The following KCNH5 variants were observed in gnomAD, a reference collection of about 807,000 sequenced individuals.
The protein encoded by KCNH5 is potassium voltage-gated channel subfamily H member 5.
In KCNH5, 46 loss-of-function variants were observed where a neutral mutation model predicts 96.1. That is an observed-to-expected ratio of 0.48 (90% CI 0.38 to 0.61). The LOEUF is 0.61. Ranked by LOEUF, KCNH5 falls within the 20% of genes least tolerant of loss-of-function variation. The pLI, the probability that KCNH5 is intolerant of heterozygous loss-of-function variation, is 0.00. For synonymous variants in KCNH5, 439 were observed against 449.8 expected, an observed-to-expected ratio of 0.98 and a Z score of 0.30; for missense variants, 907 against 1,225.8, an observed-to-expected ratio of 0.74 and a Z score of 3.88.
intron 8 of KCNH5, 23 bp from the exon 9 acceptor site, chr14:62,802,604 A>T: frequency 6.2e-7 from 1 of 1,609,642 alleles, no homozygotes. Flanking sequence ...AGAGATGAAT[A>T]AGTGAAAAGG....
chr14:62,997,848 C>T (rs895027487), intron 4 of KCNH5, among the ~76,000 whole-genome samples: 11 of 138,486 alleles, frequency 7.9e-5, no homozygotes, highest in Admixed American at 3.1e-4. Flanking sequence ...TGCAGTGAAC[C>T]GAGATGGCAC....
chr14:63,008,236 C>T (rs1381525601), intron 2 of KCNH5, among the ~76,000 whole-genome samples: 2 of 152,006 alleles, frequency 1.3e-5, no homozygotes, highest in African/African-American at 2.4e-5. Flanking sequence ...GTGAAGCCCT[C>T]CTTAAGAAAA....
chr14:62,764,969 G>A (rs979479037), intron 10 of KCNH5, among the ~76,000 whole-genome samples: 2 of 152,074 alleles, frequency 1.3e-5, no homozygotes, highest in Non-Finnish European at 1.5e-5. Context: ...TAGATTCAAC[G>A]CTATTTCCAT....
chr14:62,999,523 C>G (rs1287802445), intron 4 of KCNH5, among the ~76,000 whole-genome samples: 2 of 151,810 alleles, frequency 1.3e-5, no homozygotes, highest in Non-Finnish European at 2.9e-5. Context: ...CCATGGAATA[C>G]TATGCAGCCA....
intron 7 of KCNH5, among the ~76,000 whole-genome samples, chr14:62,880,666 A>T (rs1888474256): frequency 6.6e-6 from 1 of 152,208 alleles, no homozygotes; most frequent in Admixed American, 6.5e-5. Flanking sequence ...AGAAAGAAAT[A>T]AGAAAAAGTA....
chr14:62,815,881 A>G (rs1407192995), intron 8 of KCNH5, among the ~76,000 whole-genome samples: 1 of 151,996 alleles, frequency 6.6e-6, no homozygotes, highest in East Asian at 1.9e-4. Context: ...ACACACACAC[A>G]CAAAACACCA....
chr14:62,960,029 T>C (rs1019478146), intron 6 of KCNH5, among the ~76,000 whole-genome samples: 2 of 152,180 alleles, frequency 1.3e-5, no homozygotes, highest in African/African-American at 4.8e-5. Flanking sequence ...CACAGTCGGG[T>C]CCAGGCTTAC....
At position 62,890,698 on chromosome 14, in the gene KCNH5, CAAAAAAAAAAA is replaced by C. The variant is rs1277209731; in HGVS notation, c.1370-40857_1370-40847del. Among the ~76,000 whole-genome samples the C allele has an allele frequency of 1.6e-4, 9 of 55,898 alleles. No homozygotes were observed. The South Asian group carries it at 6.2e-3, about 39-fold the overall frequency. The allele number at this position is 55,898 out of a possible 152,430, so 36.7% of individuals were successfully genotyped here. On this transcript the variant is annotated intron_variant, in intron 7 of 10. Transcript: ENST00000322893. Reference sequence around the variant, plus strand: ...TGGGGGACAGAGCGAGACTCCGTCTCAAAAAAAAAAAAAAAAAAAAAAGTGGGCAAAGGACA... The same window carrying C: ...TGGGGGACAGAGCGAGACTCCGTCTCAAAAAAAAAAAGTGGGCAAAGGACA...
intron 8 of KCNH5, among the ~76,000 whole-genome samples, chr14:62,849,124 T>C (rs187279597): frequency 2.0e-5 from 3 of 152,174 alleles, no homozygotes; most frequent in South Asian, 2.1e-4. Flanking sequence ...GAGGGAGATA[T>C]CTATTTTATA....
intron 3 of KCNH5, among the ~76,000 whole-genome samples, chr14:63,002,877 C>T (rs1019490123): frequency 2.0e-5 from 3 of 152,078 alleles, no homozygotes; most frequent in Non-Finnish European, 2.9e-5. Context: ...ATCATCTCCC[C>T]GAGAGGCTTG....
chr14:63,023,935 C>A (rs1484168463), intron 1 of KCNH5, among the ~76,000 whole-genome samples: 1 of 151,994 alleles, frequency 6.6e-6, no homozygotes, highest in African/African-American at 2.4e-5. Context: ...ACAGGCTGGG[C>A]GTGGTTGCTC....
intron 10 of KCNH5, among the ~76,000 whole-genome samples, chr14:62,742,514 C>A (rs559359370): frequency 2.6e-5 from 4 of 152,234 alleles, no homozygotes; most frequent in African/African-American, 7.2e-5. Flanking sequence ...TATCTATATA[C>A]CCTGTCCCAA....
At chr14:63,007,467 C>A (rs565441155) in intron 2 of KCNH5, among the ~76,000 whole-genome samples, 13 of 152,088 alleles carry the variant, frequency 8.5e-5, no homozygotes, top group African/African-American at 3.1e-4. Context: ...CCATTCTCAA[C>A]GTTTCTAATG....
chr14:62,976,895 T>C (rs867160052), intron 6 of KCNH5, among the ~76,000 whole-genome samples: 4 of 152,196 alleles, frequency 2.6e-5, no homozygotes, highest in African/African-American at 9.7e-5. Flanking sequence ...CTTGCATCAA[T>C]GTAATGAAGG....
intron 7 of KCNH5, among the ~76,000 whole-genome samples, chr14:62,884,818 G>C (rs1167638082): frequency 6.6e-6 from 1 of 152,166 alleles, no homozygotes; most frequent in African/African-American, 2.4e-5. Context: ...GTTTGAATTA[G>C]TGCATATTCA....
chr14:62,714,748 G>C (rs1365311657), intron 10 of KCNH5, among the ~76,000 whole-genome samples: 1 of 152,142 alleles, frequency 6.6e-6, no homozygotes, highest in African/African-American at 2.4e-5. Flanking sequence ...TATCAATGTA[G>C]TATTAAAAGA....
chr14:62,860,131 T>C (rs186196697), intron 7 of KCNH5, among the ~76,000 whole-genome samples: 191 of 152,278 alleles, frequency 1.3e-3, no homozygotes, highest in Middle Eastern at 6.8e-3. Flanking sequence ...TGATTACCCA[T>C]AGTCAAATGT....
At position 62,859,202 on chromosome 14, in the gene KCNH5, C is replaced by T. The variant is rs549945601; in HGVS notation, c.1370-9350G>A. 2.9e-4 allele frequency among the ~76,000 whole-genome samples: 44 copies of T among 152,206 alleles called. 2 individuals carry two copies. The South Asian group carries it at 8.3e-3, about 29-fold the overall frequency. On this transcript the variant is annotated intron_variant, in intron 7 of 10. Transcript: ENST00000322893. ...ATATAATCAACCTGCCACCAGGTAG[C>T]GGGCTGATTACCCAGAGTAATGGTG...
intron 7 of KCNH5, among the ~76,000 whole-genome samples, chr14:62,936,323 G>A (rs906631522): frequency 6.6e-6 from 1 of 152,104 alleles, no homozygotes; most frequent in African/African-American, 2.4e-5. Context: ...ACATGAGCAT[G>A]TTTATCAGCT....
Sources: gnomAD v4.1 joint callset for allele counts (sites outside exome capture counted in the v4.1 genomes callset) on GRCh38, gnomAD v4.1.1 for gene constraint, MANE v1.5 for transcripts, NCBI Gene and HGNC (gene_info 2026-07-23, HGNC 2026-07-21) for gene names.